The following ARHGEF9 variants were observed in gnomAD, a reference collection of about 807,000 sequenced individuals.
ARHGEF9 encodes rho guanine nucleotide exchange factor 9.
ARHGEF9 carries 2 observed loss-of-function variants against 41.3 expected under a neutral mutation model. The ratio of observed to expected loss-of-function variants is 0.05; its 90% confidence interval spans 0.02 to 0.15. ARHGEF9 has a LOEUF of 0.15. Ranked by LOEUF, ARHGEF9 falls within the 10% of genes least tolerant of loss-of-function variation. The pLI is 1.00. For synonymous variants in ARHGEF9, 160 were observed against 154.4 expected, an observed-to-expected ratio of 1.04 and a Z score of -0.27; for missense variants, 225 against 424.7, an observed-to-expected ratio of 0.53 and a Z score of 4.13.
At chrX:63,643,873 TCCA>T in intron 9 of ARHGEF9, 104 bp downstream of exon 9, 1 of 875,730 alleles carries the variant, frequency 1.1e-6, no homozygotes, top group Non-Finnish European at 1.6e-6. Flanking sequence ...TGGATACTCC[TCCA>T]CCACCCCCAA....
At chrX:63,744,607 G>C (rs2055157208) in intron 1 of ARHGEF9, among the ~76,000 whole-genome samples, 1 of 112,124 alleles carries the variant, frequency 8.9e-6, no homozygotes, top group African/African-American at 3.2e-5. Context: ...GTGAAATGGA[G>C]ATAATCTCTG....
chrX:63,775,478 T>C (rs1556457804), intron 1 of ARHGEF9, among the ~76,000 whole-genome samples: 2 of 112,386 alleles, frequency 1.8e-5, no homozygotes, highest in South Asian at 7.4e-4. Context: ...ATATACACCA[T>C]GGAATACTAC....
At chrX:63,751,744 C>T (rs2055646572) in intron 1 of ARHGEF9, among the ~76,000 whole-genome samples, 1 of 111,637 alleles carries the variant, frequency 9.0e-6, no homozygotes, top group Non-Finnish European at 1.9e-5. Flanking sequence ...CTTATAGGTC[C>T]TAGCACAAGG....
chrX:63,782,222 G>T (rs2056393538), intron 1 of ARHGEF9, among the ~76,000 whole-genome samples: 1 of 111,387 alleles, frequency 9.0e-6, no homozygotes, highest in Non-Finnish European at 1.9e-5. Context: ...TTTCATAGCA[G>T]ATCCCCTACA....
chrX:63,738,096 C>A (rs1382695989), intron 1 of ARHGEF9, among the ~76,000 whole-genome samples: 1 of 111,915 alleles, frequency 8.9e-6, no homozygotes, highest in Non-Finnish European at 1.9e-5. Flanking sequence ...GACAGTTTCC[C>A]TCTAGAATCA....
Position 63,675,820 on chromosome X carries a change from A to G in ARHGEF9, c.816-1653T>C, listed in dbSNP as rs1432587234. 2.7e-5 allele frequency among the ~76,000 whole-genome samples: 3 copies of G among 111,384 alleles called. No homozygotes were observed. In the Admixed American group the frequency reaches 2.9e-4, roughly 11 times the overall value. ...GATTTGCAATCAAATGGCTCTTGGG[A>G]AAGGCAGATTGATAGTGAGATCTCA... On this transcript the variant is annotated intron_variant, in intron 5 of 9. Coordinates refer to ENST00000671741, the MANE Select transcript of ARHGEF9 (RefSeq NM_001353921.2).
intron 2 of ARHGEF9, chrX:63,713,221 G>C (rs2053058507): frequency 9.0e-6 from 1 of 111,337 alleles, no homozygotes; most frequent in Non-Finnish European, 1.9e-5. Flanking sequence ...CTTTGAGAAG[G>C]TGAGGGGTTA....
intron 1 of ARHGEF9, among the ~76,000 whole-genome samples, chrX:63,766,225 G>A (rs1480432188): frequency 8.9e-6 from 1 of 112,153 alleles, no homozygotes; most frequent in African/African-American, 3.2e-5. Flanking sequence ...CTACATAACA[G>A]ATGCTCAATA....
intron 6 of ARHGEF9, among the ~76,000 whole-genome samples, chrX:63,672,332 G>A (rs1275835389): frequency 9.1e-6 from 1 of 109,665 alleles, no homozygotes; most frequent in Non-Finnish European, 1.9e-5. Flanking sequence ...CCTGAATGAA[G>A]TAGGATGTCA....
intron 4 of ARHGEF9, among the ~76,000 whole-genome samples, chrX:63,679,481 A>G (rs1224704951): frequency 8.9e-6 from 1 of 111,851 alleles, no homozygotes; most frequent in East Asian, 2.8e-4. Context: ...CAAAAAATCA[A>G]GATAGAGTTG....
In ARHGEF9 at chrX:63,655,554, T is replaced by A. The variant is rs1556334668; in HGVS notation, c.1261A>T (p.Ile421Leu). The A allele has an allele frequency of 3.3e-6, 4 of 1,209,691 alleles. No individual in the cohort carries two copies. Among genetic ancestry groups the A allele is most frequent in the Non-Finnish European group, 4.5e-6 (4 of 895,032 alleles). ...LFFAKKLEEK[I>L]RWLRAFREER... is the part of the protein sequence containing the mutation. ...TCTCTGAAAGCCCTGAGCCAGCGTA[T>A]TTTTTCCTCCAGCTTCTTGGCAAAG... The change falls in exon 8 of 10, where the codon ATA becomes TTA. Residue 421 changes from isoleucine (I) to leucine (L), a missense_variant. Physicochemically the swap from Ile to Leu is conservative, Grantham distance 5. Transcript: ENST00000671741.
chrX:63,651,134 C>T (rs782015527), intron 8 of ARHGEF9, among the ~76,000 whole-genome samples: 15 of 110,915 alleles, frequency 1.4e-4, no homozygotes, highest in African/African-American at 4.2e-4. Context: ...AATGCCAAGC[C>T]GTTACATATT....
intron 7 of ARHGEF9, among the ~76,000 whole-genome samples, chrX:63,656,199 T>G (rs1189501926): frequency 9.0e-6 from 1 of 111,135 alleles, no homozygotes; most frequent in Non-Finnish European, 1.9e-5. Flanking sequence ...GGCCACAGAC[T>G]GCTGGCAAAG....
chrX:63,706,941 C>T (rs1355797403), intron 2 of ARHGEF9, among the ~76,000 whole-genome samples: 12 of 112,102 alleles, frequency 1.1e-4, no homozygotes, highest in African/African-American at 3.9e-4. Context: ...CTCTTCAAGA[C>T]TGGGATAGGG....
intron 1 of ARHGEF9, among the ~76,000 whole-genome samples, chrX:63,740,464 A>C (rs1209284853): frequency 8.9e-6 from 1 of 111,881 alleles, no homozygotes; most frequent in African/African-American, 3.3e-5. Flanking sequence ...CATTTTCTCA[A>C]CTCTTAGCCT....
In ARHGEF9 at chrX:63,636,509, G is replaced by T. The variant is rs12850700; in HGVS notation, c.*1519C>A. The stretch of plus-strand genomic sequence containing the variant: ...TTATTCAGAGGGAAAATTGCCCCTG[G>T]GCCCCTAACTCACTTGCCCCAAATG... On this transcript the variant is annotated 3_prime_UTR_variant, in exon 10 of 10. Coordinates refer to ENST00000671741, the MANE Select transcript of ARHGEF9 (RefSeq NM_001353921.2). 290 of 133,028 alleles carry T rather than the reference G, an allele frequency of 2.2e-3. 2 individuals are homozygous for T. Among genetic ancestry groups the T allele is most frequent in the Non-Finnish European group, 3.5e-3 (239 of 67,714 alleles). The allele number at this position is 133,028 out of a possible 1,213,427, so 11.0% of individuals were successfully genotyped here.
At chrX:63,720,273 G>A (rs1556412919) in intron 2 of ARHGEF9, among the ~76,000 whole-genome samples, 1 of 111,731 alleles carries the variant, frequency 9.0e-6, no homozygotes, top group East Asian at 2.8e-4. Context: ...TCAGGTTATT[G>A]GCTGACCAAT....
chrX:63,641,603 T>C (rs2047638348), intron 9 of ARHGEF9: 2 of 111,436 alleles, frequency 1.8e-5, no homozygotes, highest in Non-Finnish European at 3.8e-5. Context: ...TAGATATTCC[T>C]TTGTTTGAAG....
At chrX:63,682,263 C>G (rs1229724289) in intron 4 of ARHGEF9, among the ~76,000 whole-genome samples, 1 of 111,385 alleles carries the variant, frequency 9.0e-6, no homozygotes, top group East Asian at 2.8e-4. Context: ...GCCTATAATC[C>G]TAGCACTTTG....
Sources: gnomAD v4.1 joint callset for allele counts (sites outside exome capture counted in the v4.1 genomes callset) on GRCh38, gnomAD v4.1.1 for gene constraint, MANE v1.5 for transcripts, NCBI Gene and HGNC (gene_info 2026-07-23, HGNC 2026-07-21) for gene names.